The following UBE2O variants were observed in gnomAD, a reference collection of about 807,000 sequenced individuals.
UBE2O encodes the protein ubiquitin conjugating enzyme E2 O.
A neutral mutation model predicts 125.8 loss-of-function variants in UBE2O; 15 were observed. The observed-to-expected ratio is 0.12, with a 90% CI of 0.08 to 0.18. The LOEUF is 0.18. Among genes scored for constraint, UBE2O ranks in the 10% least tolerant of loss-of-function variants. The pLI is 1.00. For missense variants in UBE2O, 1,280 were observed against 1,723.6 expected, an observed-to-expected ratio of 0.74 and a Z score of 4.56; for synonymous variants, 708 against 703.2, an observed-to-expected ratio of 1.01 and a Z score of -0.11.
rs1277082644 is a variant in UBE2O, at chr17:76,399,488, T to C, written c.1589A>G (p.Lys530Arg). 15 of 1,614,210 alleles carry C rather than the reference T, an allele frequency of 9.3e-6. No individual in the cohort carries two copies. The highest frequency in any genetic ancestry group is 2.2e-5 in the East Asian group (1 of 44,890). ...GAAGTCTCGAGTGATTTTATTCTTC[T>C]TCCTCTTGTGTTTGCGCTTTAAGTT... is the stretch of plus-strand genomic sequence containing the variant. Reference protein sequence around the residue: ...IKNLKRKHKRKKNKITRDFKP... With the variant: ...IKNLKRKHKRRKNKITRDFKP... Residue 530 changes from lysine (K) to arginine (R), a missense_variant, in exon 9 of 18, where the codon AAG becomes AGG. Lys to Arg is a conservative substitution (Grantham distance 26). Transcript: ENST00000319380. This position sits in a 1 kb window ranked among gnomAD's most constrained non-coding sequence, Gnocchi z 6.9.
In UBE2O at chr17:76,419,712, C is replaced by T. The variant is rs571591493; in HGVS notation, c.418-14140G>A. ...TCACAGTGGCAAAGAGCAGATCCCGCCAGCACGCATCCTTGGGAACCTGGT... is the reference window on the plus strand; with the variant it reads ...TCACAGTGGCAAAGAGCAGATCCCGTCAGCACGCATCCTTGGGAACCTGGT... On this transcript the variant is annotated intron_variant, in intron 1 of 17. Transcript: ENST00000319380. 3.3e-5 allele frequency among the ~76,000 whole-genome samples: 5 copies of T among 152,352 alleles called. No individual in the cohort carries two copies. The East Asian group carries it at 9.6e-4, about 29-fold the overall frequency.
chr17:76,421,577 C>A (rs1192074156), intron 1 of UBE2O, among the ~76,000 whole-genome samples: 2 of 152,132 alleles, frequency 1.3e-5, no homozygotes, highest in Non-Finnish European at 2.9e-5. Context: ...GTTGGTCAGG[C>A]TGGTCTTGAA....
intron 1 of UBE2O, among the ~76,000 whole-genome samples, chr17:76,407,940 C>A (rs574879765): frequency 6.6e-6 from 1 of 152,138 alleles, no homozygotes; most frequent in South Asian, 2.1e-4. Context: ...AGAGTGGGAG[C>A]GACAAGGGGC....
At position 76,398,111 on chromosome 17, in the gene UBE2O, C is replaced by T; in HGVS notation, c.2025+144G>A. 8.4e-7 allele frequency: 1 copy of T among 1,185,910 alleles called. No individual in the cohort carries two copies. The highest frequency in any genetic ancestry group is 1.2e-6 in the Non-Finnish European group (1 of 831,484). The allele number at this position is 1,185,910 out of a possible 1,614,324, so 73.5% of individuals were successfully genotyped here. On this transcript the variant is annotated intron_variant, in intron 12 of 17. Transcript: ENST00000319380. This position sits in a 1 kb window ranked among gnomAD's most constrained non-coding sequence, Gnocchi z 5.4. ...GCTAGTGCTGAGCGGCAGCTTGACT[C>T]TGGGGCAGCTGCCCTTCTGAGGACA...
In UBE2O at chr17:76,415,795, C is replaced by CTGTGTGTG. The variant is rs34127040; in HGVS notation, c.418-10231_418-10224dup. The stretch of plus-strand genomic sequence containing the variant: ...CTCCAGCTTGGGCAACAGAGCAAGA[C>CTGTGTGTG]TGTGTGTGTGTGTGTGTGTGTGTGT... On this transcript the variant is annotated intron_variant, in intron 1 of 17. Coordinates refer to ENST00000319380, the MANE Select transcript of UBE2O (RefSeq NM_022066.4). Among the ~76,000 whole-genome samples the CTGTGTGTG allele has an allele frequency of 4.8e-3, 684 of 143,260 alleles. 5 individuals carry two copies. The highest frequency in any genetic ancestry group is 0.015 in the African/African-American group (580 of 38,614). The allele number at this position is 143,260 out of a possible 152,430, so 94.0% of individuals were successfully genotyped here. A position where few individuals can be genotyped will look rare whatever the true frequency, so the allele number is the denominator to read the frequency against.
intron 1 of UBE2O, among the ~76,000 whole-genome samples, chr17:76,434,456 T>G (rs563344680): frequency 6.6e-6 from 1 of 152,258 alleles, no homozygotes; most frequent in South Asian, 2.1e-4. Flanking sequence ...CTGGAAACTG[T>G]AAAGGACACG....
intron 1 of UBE2O, among the ~76,000 whole-genome samples, chr17:76,406,209 T>C (rs1341730395): frequency 2.0e-5 from 3 of 152,188 alleles, no homozygotes; most frequent in Non-Finnish European, 4.4e-5. Flanking sequence ...CACCTGATTG[T>C]CTCTTTACGC....
At position 76,399,316 on chromosome 17, in the gene UBE2O, G is replaced by T; in HGVS notation, c.1628+133C>A. 1.1e-6 allele frequency: 1 copy of T among 927,432 alleles called. No individual in the cohort carries two copies. Among genetic ancestry groups the T allele is most frequent in the Non-Finnish European group, 1.6e-6 (1 of 617,248 alleles). 57.5% of individuals were successfully genotyped at this position (927,432 alleles called of 1,614,324 possible). A position where few individuals can be genotyped will look rare whatever the true frequency, so the allele number is the denominator to read the frequency against. ...CTACCCCAGGCACCTACGTTGTCTC[G>T]GGTGGGAGCCCCGGAGCCACTACAA... On this transcript the variant is annotated intron_variant, in intron 9 of 17. Coordinates refer to ENST00000319380, the MANE Select transcript of UBE2O (RefSeq NM_022066.4). This position sits in a 1 kb window ranked among gnomAD's most constrained non-coding sequence, Gnocchi z 6.9.
At chr17:76,412,866 G>A (rs2072539089) in intron 1 of UBE2O, among the ~76,000 whole-genome samples, 1 of 152,096 alleles carries the variant, frequency 6.6e-6, no homozygotes, top group Admixed American at 6.5e-5. Context: ...AAATTACCTG[G>A]GCGTGGTGGT....
At chr17:76,427,161 C>T (rs2072826147) in intron 1 of UBE2O, among the ~76,000 whole-genome samples, 1 of 152,124 alleles carries the variant, frequency 6.6e-6, no homozygotes, top group African/African-American at 2.4e-5. Flanking sequence ...TACCACCATC[C>T]ATGTTTGTAA....
chr17:76,418,419 T>G (rs924038736), intron 1 of UBE2O, among the ~76,000 whole-genome samples: 1 of 152,232 alleles, frequency 6.6e-6, no homozygotes, highest in African/African-American at 2.4e-5. Flanking sequence ...CATTTGGCTG[T>G]CTGCACCCTG....
At chr17:76,417,730 A>AG (rs1381302759) in intron 1 of UBE2O, among the ~76,000 whole-genome samples, 5 of 152,170 alleles carry the variant, frequency 3.3e-5, no homozygotes, top group African/African-American at 1.2e-4. Context: ...AAGCATGTCC[A>AG]GGGGCAGGAA....
intron 1 of UBE2O, among the ~76,000 whole-genome samples, chr17:76,413,565 C>T (rs769327841): frequency 6.6e-6 from 1 of 152,114 alleles, no homozygotes; most frequent in Admixed American, 6.5e-5. Flanking sequence ...ATATATAACA[C>T]GTATGTGTCC....
intron 1 of UBE2O, among the ~76,000 whole-genome samples, chr17:76,429,784 G>C (rs2072873582): frequency 1.3e-5 from 2 of 152,158 alleles, no homozygotes; most frequent in African/African-American, 4.8e-5. Context: ...TCCAGGAGCA[G>C]GCAGGGGCAT....
Position 76,391,429 on chromosome 17 carries a change from A to G in UBE2O, c.3393T>C (p.Phe1131=), listed in dbSNP as rs767038815. The change falls in exon 18 of 18, where the codon TTT becomes TTC. Residue 1131 remains phenylalanine (F), a synonymous_variant. Transcript: ENST00000319380. The surrounding 1 kb of genome is among the most constrained non-coding windows in gnomAD (Gnocchi z 8.4). ...TCACCAGCCGCCAGCCACCAGTGCT[A>G]AAGTGTTGCCTGATCTCCTGCTCAA... The part of the protein sequence containing the change: ...EVFEQEIRQH[F]STGGWRLVNR... 8 of 1,613,658 alleles carry G rather than the reference A, an allele frequency of 5.0e-6. No individual in the cohort carries two copies. The highest frequency in any genetic ancestry group is 1.6e-4 in the Middle Eastern group (1 of 6,062).
At chr17:76,426,103 A>G (rs2072806070) in intron 1 of UBE2O, among the ~76,000 whole-genome samples, 1 of 152,138 alleles carries the variant, frequency 6.6e-6, no homozygotes, top group Non-Finnish European at 1.5e-5. Context: ...CCTGGGCTCA[A>G]ATGATCCTCT....
Position 76,400,161 on chromosome 17 carries a change from A to C in UBE2O, c.1141T>G (p.Ser381Ala), listed in dbSNP as rs1430027371. 1 of 1,613,812 alleles carries C rather than the reference A, an allele frequency of 6.2e-7. No homozygotes were observed. Among genetic ancestry groups the C allele is most frequent in the East Asian group, 2.2e-5 (1 of 44,898 alleles). The change falls in exon 8 of 18, where the codon TCT (serine) becomes GCT (alanine). Residue 381 changes from serine (S) to alanine (A), a missense_variant. Ser to Ala is a moderately conservative substitution (Grantham distance 99, BLOSUM62 1). Around this residue, in one of 10 missense-constraint regions of UBE2O, gnomAD observed 141 missense variants for 141.3 expected, o/e 1.00. Coordinates refer to ENST00000319380, the MANE Select transcript of UBE2O (RefSeq NM_022066.4). This position sits in a 1 kb window ranked among gnomAD's most constrained non-coding sequence, Gnocchi z 4.3. ...PEKNCAQGEG[S>A]MAKKVKRLLK... ...CAAGGACATACCTTCTTGGCCATAGAGCCCTCCCCCTGGGCGCAGTTTTTT... is the reference window on the plus strand; with the variant it reads ...CAAGGACATACCTTCTTGGCCATAGCGCCCTCCCCCTGGGCGCAGTTTTTT...
At position 76,400,976 on chromosome 17, in the gene UBE2O, A is replaced by C. The variant is rs2072312777; in HGVS notation, c.894+35T>G. On this transcript the variant is annotated intron_variant, in intron 6 of 17. Transcript: ENST00000319380. The surrounding 1 kb of genome is among the most constrained non-coding windows in gnomAD (Gnocchi z 4.3). ...GCTCAGCTCCAGGGTGTGGAGGTCAAGGACTCCATCTCCTACCCTTGGGCC... is the reference window on the plus strand; with the variant it reads ...GCTCAGCTCCAGGGTGTGGAGGTCACGGACTCCATCTCCTACCCTTGGGCC... 2.5e-6 allele frequency: 4 copies of C among 1,610,892 alleles called. No homozygotes were observed. In the East Asian group the frequency reaches 8.9e-5, roughly 36 times the overall value.
chr17:76,401,251 A>C, intron 5 of UBE2O, 97 bp from the exon 6 acceptor site: 1 of 1,432,826 alleles, frequency 7.0e-7, no homozygotes, highest in Non-Finnish European at 9.5e-7. Context: ...CCACCTGCAG[A>C]AGCCCACTCA....
Sources: gnomAD v4.1 joint callset for allele counts (sites outside exome capture counted in the v4.1 genomes callset) on GRCh38, gnomAD v4.1.1 for gene constraint, gnomAD v4.1.1 regional missense constraint, Gnocchi (gnomAD v3.1) non-coding constraint, MANE v1.5 for transcripts, NCBI Gene and HGNC (gene_info 2026-07-23, HGNC 2026-07-21) for gene names.